DLG2: variants seen among roughly 807,000 people sequenced by gnomAD.
DLG2 encodes the protein discs large MAGUK scaffold protein 2, also known as disks large homolog 2.
Under a neutral mutation model 132.5 loss-of-function variants are expected in DLG2, and 45 were observed. That is an observed-to-expected ratio of 0.34 (90% confidence interval 0.27 to 0.44). The LOEUF (loss-of-function observed/expected upper bound fraction) is 0.44, where lower values mean the gene tolerates loss of function less well. DLG2 is among the 20% of genes least tolerant of loss of function. The pLI is 1.00. For missense variants in DLG2, 1,045 were observed against 1,196.9 expected (o/e 0.87, Z 1.87); for synonymous variants, 424 against 419.6 (o/e 1.01, Z -0.13).
chr11:84,345,588 G>A (rs1404237240), intron 7 of DLG2, among the ~76,000 whole-genome samples: 2 of 152,162 alleles, frequency 1.3e-5, no homozygotes, highest in Admixed American at 6.5e-5. Context: ...CTCCTACAGT[G>A]AGAATCAAAT....
intron 6 of DLG2, among the ~76,000 whole-genome samples, chr11:84,909,629 C>T (rs748387435): frequency 1.3e-5 from 2 of 152,202 alleles, no homozygotes; most frequent in Non-Finnish European, 2.9e-5. Context: ...GCTCTTTTGA[C>T]CCATTTTGAT....
intron 7 of DLG2, among the ~76,000 whole-genome samples, chr11:84,434,051 T>C (rs2098993115): frequency 6.6e-6 from 1 of 150,512 alleles, no homozygotes; most frequent in South Asian, 2.1e-4. Context: ...CTGGAGAGGT[T>C]GAGACTGCAG....
At chr11:84,642,251 G>C (rs1940078) in intron 6 of DLG2, among the ~76,000 whole-genome samples, 141,361 of 151,414 alleles carry the variant, frequency 0.93, 66,113 homozygotes, top group East Asian at 1. Context: ...TTCAAACTTA[G>C]AGTAACCAAT....
At chr11:84,038,906 G>A (rs1437354078) in intron 11 of DLG2, among the ~76,000 whole-genome samples, 4 of 151,944 alleles carry the variant, frequency 2.6e-5, no homozygotes, top group Non-Finnish European at 4.4e-5. Flanking sequence ...ATTAGATCTT[G>A]TAAGAACTCA....
rs796107817 is a variant in DLG2 at position 85,324,272 on chromosome 11, A to AT, written c.41-38908dup. 1.1e-4 allele frequency among the ~76,000 whole-genome samples: 16 copies of AT among 152,090 alleles called. 1 individual carries two copies. Among genetic ancestry groups the AT allele is most frequent in the African/African-American group, 3.9e-4 (16 of 41,486 alleles). On this transcript the variant is annotated intron_variant, in intron 3 of 27. Transcript: ENST00000376104. The stretch of plus-strand genomic sequence containing the variant: ...TTTTTTGGTGGAGTGATGCCAGGAT[A>AT]TTTTTTATTCCACCGCCTTGTTGAC...
intron 6 of DLG2, among the ~76,000 whole-genome samples, chr11:85,065,909 C>T (rs549746943): frequency 8.6e-5 from 13 of 150,968 alleles, no homozygotes; most frequent in Non-Finnish European, 1.9e-4. Flanking sequence ...CCTCAAAGAA[C>T]TAAAAAAAGG....
intron 15 of DLG2, among the ~76,000 whole-genome samples, chr11:83,876,466 T>G (rs1025774016): frequency 6.6e-6 from 1 of 152,060 alleles, no homozygotes; most frequent in Non-Finnish European, 1.5e-5. Flanking sequence ...TTTACAAGCA[T>G]ATAAAATAAA....
intron 6 of DLG2, among the ~76,000 whole-genome samples, chr11:84,813,007 C>T (rs1022840112): frequency 6.6e-5 from 10 of 152,014 alleles, no homozygotes; most frequent in Non-Finnish European, 1.3e-4. Context: ...CGGTTATCCA[C>T]CCAGTTACAT....
At chr11:84,641,352 G>A (rs2099663873) in intron 6 of DLG2, among the ~76,000 whole-genome samples, 3 of 152,172 alleles carry the variant, frequency 2.0e-5, no homozygotes, top group Non-Finnish European at 2.9e-5. Context: ...CCCATAGTAA[G>A]CGCTCAATAA....
At chr11:83,499,895 A>ATATC (rs1555113456) in intron 21 of DLG2, among the ~76,000 whole-genome samples, 6 of 114,524 alleles carry the variant, frequency 5.2e-5, no homozygotes, top group African/African-American at 2.1e-4. Flanking sequence ...ATATATATAT[A>ATATC]TATCAGTTCT....
chr11:83,748,671 C>T (rs1359954913), intron 18 of DLG2, among the ~76,000 whole-genome samples: 1 of 152,180 alleles, frequency 6.6e-6, no homozygotes, highest in African/African-American at 2.4e-5. Context: ...TAAACTGATT[C>T]ACAGTAATGC....
At chr11:84,497,455 A>G (rs1376912352) in intron 7 of DLG2, among the ~76,000 whole-genome samples, 5 of 152,110 alleles carry the variant, frequency 3.3e-5, no homozygotes, top group Admixed American at 1.3e-4. Context: ...TATATATCCC[A>G]CTATCCAATC....
intron 19 of DLG2, among the ~76,000 whole-genome samples, chr11:83,554,672 T>C (rs1014178712): frequency 7.9e-5 from 12 of 152,206 alleles, no homozygotes; most frequent in African/African-American, 2.7e-4. Context: ...AGTGGTTCTA[T>C]TGGCAATAAA....
chr11:84,712,427 T>G (rs2060551454), intron 6 of DLG2, among the ~76,000 whole-genome samples: 1 of 152,088 alleles, frequency 6.6e-6, no homozygotes, highest in South Asian at 2.1e-4. Context: ...CCTTAGCTCA[T>G]TTTTCATTTT....
intron 9 of DLG2, among the ~76,000 whole-genome samples, chr11:84,111,499 T>C (rs1245830011): frequency 6.6e-6 from 1 of 152,208 alleles, no homozygotes; most frequent in Non-Finnish European, 1.5e-5. Context: ...CTAATGCCCA[T>C]TGACAGCAAA....
At chr11:84,760,203 C>G (rs1333060854) in intron 6 of DLG2, among the ~76,000 whole-genome samples, 1 of 152,138 alleles carries the variant, frequency 6.6e-6, no homozygotes, top group Non-Finnish European at 1.5e-5. Flanking sequence ...TTTCATATTC[C>G]TGTTCCTAGG....
intron 3 of DLG2, among the ~76,000 whole-genome samples, chr11:85,312,021 C>T (rs547059711): frequency 6.6e-6 from 1 of 151,946 alleles, no homozygotes; most frequent in Non-Finnish European, 1.5e-5. Context: ...TTTATCTCTA[C>T]AAGGAATGTT....
At chr11:84,923,027 G>A (rs1463216564) in intron 6 of DLG2, 2 of 1,610,368 alleles carry the variant, frequency 1.2e-6, no homozygotes, top group Admixed American at 1.7e-5. Context: ...ATTTTCTGCA[G>A]CTGGTTTAAC....
At chr11:85,434,204 C>T (rs2091349713) in intron 3 of DLG2, among the ~76,000 whole-genome samples, 1 of 152,026 alleles carries the variant, frequency 6.6e-6, no homozygotes, top group Non-Finnish European at 1.5e-5. Context: ...GCCCTAAATG[C>T]CCACATCAGA....
Sources: allele counts gnomAD v4.1 joint callset (sites outside exome capture counted in the v4.1 genomes callset), GRCh38; gene constraint gnomAD v4.1.1; transcripts MANE v1.5; gene names NCBI Gene and HGNC (gene_info 2026-07-23, HGNC 2026-07-21).